Variants in SEMA3E observed in about 807,000 individuals in gnomAD.
SEMA3E encodes semaphorin-3E.
Under a neutral mutation model 93.6 loss-of-function variants are expected in SEMA3E, and 49 were observed. The ratio of observed to expected loss-of-function variants is 0.52; its 90% CI spans 0.42 to 0.66. SEMA3E has a LOEUF of 0.66. Ranked by LOEUF, SEMA3E falls within the 30% of genes least tolerant of loss-of-function variation. SEMA3E has a pLI of 0.00. For missense variants in SEMA3E, 906 were observed against 964.8 expected (o/e 0.94, Z 0.81); for synonymous variants, 363 against 330.7 (o/e 1.10, Z -1.06).
rs1340294684 is a variant in SEMA3E, at chr7:83,490,207, C to T, written c.183G>A (p.Met61Ile). The stretch of plus-strand genomic sequence containing the variant: ...GCCTCTCTTGATATTCATCCAGCAG[C>T]ATTGTATGGAGATCAAGAAATCCAA... ...SPFGFLDLHT[M>I]LLDEYQERLF... Residue 61 changes from methionine to isoleucine, a missense_variant, in exon 2 of 17, where the codon ATG becomes ATA. Met to Ile is a conservative substitution (Grantham distance 10). Coordinates refer to ENST00000643230, the MANE Select transcript of SEMA3E (RefSeq NM_012431.3). 1 of 1,612,856 alleles carries T rather than the reference C, an allele frequency of 6.2e-7. No homozygotes were observed. Among genetic ancestry groups the T allele is most frequent in the Non-Finnish European group, 8.5e-7 (1 of 1,179,378 alleles).
At chr7:83,552,710 A>G (rs1791790618) in intron 1 of SEMA3E, among the ~76,000 whole-genome samples, 1 of 152,080 alleles carries the variant, frequency 6.6e-6, no homozygotes, top group African/African-American at 2.4e-5. Flanking sequence ...AAGGACTGAG[A>G]TACACGCCCT....
intron 14 of SEMA3E, among the ~76,000 whole-genome samples, chr7:83,391,896 T>C (rs73707817): frequency 6.6e-6 from 1 of 152,154 alleles, no homozygotes; most frequent in Non-Finnish European, 1.5e-5. Flanking sequence ...AACTGCTTAT[T>C]CTGTAAGAAA....
At chr7:83,634,204 A>G (rs1415880347) in intron 1 of SEMA3E, among the ~76,000 whole-genome samples, 1 of 152,228 alleles carries the variant, frequency 6.6e-6, no homozygotes, top group Non-Finnish European at 1.5e-5. Context: ...ACCACATACA[A>G]TAAAATCCTT....
chr7:83,485,057 C>T (rs1790224986), intron 2 of SEMA3E, among the ~76,000 whole-genome samples: 1 of 152,134 alleles, frequency 6.6e-6, no homozygotes, highest in African/African-American at 2.4e-5. Flanking sequence ...CATATTCTAT[C>T]ACTGGCAACT....
At chr7:83,627,962 T>C (rs1421544607) in intron 1 of SEMA3E, among the ~76,000 whole-genome samples, 1 of 152,208 alleles carries the variant, frequency 6.6e-6, no homozygotes, top group Non-Finnish European at 1.5e-5. Flanking sequence ...TAGTGGTTTT[T>C]CCTTTCCATA....
At chr7:83,392,477 T>A in intron 14 of SEMA3E, 78 bp downstream of exon 14, 1 of 1,425,418 alleles carries the variant, frequency 7.0e-7, no homozygotes, top group Non-Finnish European at 9.4e-7. Context: ...CTGGAAAACT[T>A]CAAGTTAAAA....
intron 1 of SEMA3E, among the ~76,000 whole-genome samples, chr7:83,641,105 A>C (rs1292780434): frequency 6.6e-6 from 1 of 152,226 alleles, no homozygotes; most frequent in Non-Finnish European, 1.5e-5. Flanking sequence ...AGGTGAATAG[A>C]CAGAAAGCCC....
chr7:83,550,962 A>G (rs961622998), intron 1 of SEMA3E, among the ~76,000 whole-genome samples: 2 of 152,158 alleles, frequency 1.3e-5, no homozygotes, highest in Admixed American at 6.6e-5. Flanking sequence ...AAAGTATAAC[A>G]TAATTAAAAC....
intron 1 of SEMA3E, among the ~76,000 whole-genome samples, chr7:83,609,314 G>A (rs1250379449): frequency 2.6e-5 from 4 of 151,796 alleles, no homozygotes; most frequent in African/African-American, 9.7e-5. Context: ...TTATGATACG[G>A]ATCAGGCACA....
chr7:83,552,644 T>G (rs1267554581), intron 1 of SEMA3E, among the ~76,000 whole-genome samples: 1 of 152,122 alleles, frequency 6.6e-6, no homozygotes, highest in Non-Finnish European at 1.5e-5. Flanking sequence ...AATGCATTCC[T>G]GGTGGGAGGT....
intron 4 of SEMA3E, among the ~76,000 whole-genome samples, chr7:83,440,657 AT>A (rs1789094157): frequency 6.6e-6 from 1 of 152,118 alleles, no homozygotes; most frequent in African/African-American, 2.4e-5. Context: ...CAAGACTTAG[AT>A]AAAAATTAGC....
chr7:83,495,557 G>C (rs1790473988), intron 1 of SEMA3E, among the ~76,000 whole-genome samples: 1 of 151,736 alleles, frequency 6.6e-6, no homozygotes, highest in African/African-American at 2.4e-5. Flanking sequence ...ATAATTATTA[G>C]GGGAAACATG....
chr7:83,493,312 T>G (rs1427180458), intron 1 of SEMA3E, among the ~76,000 whole-genome samples: 1 of 151,946 alleles, frequency 6.6e-6, no homozygotes, highest in African/African-American at 2.4e-5. Flanking sequence ...GCTAGAAAAT[T>G]CATTTACAAC....
intron 5 of SEMA3E, among the ~76,000 whole-genome samples, chr7:83,410,128 T>C (rs1788409982): frequency 6.6e-6 from 1 of 151,832 alleles, no homozygotes; most frequent in Non-Finnish European, 1.5e-5. Context: ...CAAAATCCTC[T>C]ATGGATGCCT....
At chr7:83,443,880 G>A (rs1789170959) in intron 4 of SEMA3E, among the ~76,000 whole-genome samples, 1 of 149,882 alleles carries the variant, frequency 6.7e-6, no homozygotes, top group South Asian at 2.1e-4. Context: ...TAAATAACTA[G>A]GTTAAGTTAA....
chr7:83,460,589 AC>A (rs988887885), intron 4 of SEMA3E, among the ~76,000 whole-genome samples: 1 of 67,960 alleles, frequency 1.5e-5, no homozygotes, highest in African/African-American at 3.9e-5. Flanking sequence ...AGGGGCAAGT[AC>A]CCCAACCCCT....
At chr7:83,402,952 T>C (rs1412092833) in intron 9 of SEMA3E, among the ~76,000 whole-genome samples, 176 bp from the exon 10 acceptor site, 1 of 152,024 alleles carries the variant, frequency 6.6e-6, no homozygotes, top group Non-Finnish European at 1.5e-5. Flanking sequence ...TTTGAAACTC[T>C]GAAACTTACC....
At chr7:83,502,592 GA>G (rs138035696) in intron 1 of SEMA3E, among the ~76,000 whole-genome samples, 20,458 of 152,072 alleles carry the variant, frequency 0.13, 1,390 homozygotes, top group East Asian at 0.16. Context: ...CCAGTCTTAA[GA>G]AATAAATAAG....
At chr7:83,487,817 AGAAAG>A (rs1461155297) in intron 2 of SEMA3E, among the ~76,000 whole-genome samples, 1 of 152,018 alleles carries the variant, frequency 6.6e-6, no homozygotes, top group Admixed American at 6.6e-5. Context: ...GACATTAGAA[AGAAAG>A]GAAAGATAGG....
Sources: allele counts gnomAD v4.1 joint callset (sites outside exome capture counted in the v4.1 genomes callset), GRCh38; gene constraint gnomAD v4.1.1; transcripts MANE v1.5; gene names NCBI Gene and HGNC (gene_info 2026-07-23, HGNC 2026-07-21).